The following ANO6 variants were observed in gnomAD, a reference collection of about 807,000 sequenced individuals.
ANO6 encodes the protein anoctamin 6.
In ANO6, 106 loss-of-function variants were observed where a neutral mutation model predicts 117.5. The observed-to-expected ratio is 0.90, with a 90% confidence interval of 0.77 to 1.06. ANO6 has a LOEUF of 1.06. Among genes scored for constraint, ANO6 ranks in the 50% least tolerant of loss-of-function variants. The probability of loss-of-function intolerance (pLI) is 0.00; values close to 1 mark genes in which losing one functional copy is unlikely to be tolerated. For synonymous variants in ANO6, 367 were observed against 385.1 expected (o/e 0.95, Z 0.55); for missense variants, 955 against 1,121.1 (o/e 0.85, Z 2.12).
intron 6 of ANO6, 75 bp downstream of exon 6, chr12:45,348,706 TC>T (rs1296408073): frequency 9.1e-7 from 1 of 1,095,370 alleles, no homozygotes; most frequent in Non-Finnish European, 1.4e-6. Flanking sequence ...GGGCTAACTT[TC>T]CTGACTGTAA....
Position 45,345,903 on chromosome 12 carries a change from G to C in ANO6, c.280-1119G>C, listed in dbSNP as rs141175861. Reference sequence around the variant, plus strand: ...GGCTGGGAAGTCTGAGATCAAGGGGGCTGGCATCTGGTGAGGACTTTGTTG... The same window carrying C: ...GGCTGGGAAGTCTGAGATCAAGGGGCCTGGCATCTGGTGAGGACTTTGTTG... On this transcript the variant is annotated intron_variant, in intron 3 of 19. Coordinates refer to ENST00000320560, the MANE Select transcript of ANO6 (RefSeq NM_001025356.3). 1.9e-3 allele frequency among the ~76,000 whole-genome samples: 283 copies of C among 151,766 alleles called. 1 individual carries two copies. Among genetic ancestry groups the C allele is most frequent in the African/African-American group, 6.0e-3 (249 of 41,376 alleles).
At chr12:45,286,621 C>T (rs1284981194) in intron 1 of ANO6, among the ~76,000 whole-genome samples, 1 of 152,194 alleles carries the variant, frequency 6.6e-6, no homozygotes, top group Admixed American at 6.5e-5. Context: ...AACTTTATTT[C>T]TCAACAGCTA....
chr12:45,282,016 A>C (rs1051875955), intron 1 of ANO6, among the ~76,000 whole-genome samples: 7 of 152,178 alleles, frequency 4.6e-5, no homozygotes, highest in African/African-American at 1.7e-4. Context: ...ACTCTTCAGC[A>C]CCATAGGAGA....
At chr12:45,321,370 G>T (rs1940264301) in intron 2 of ANO6, among the ~76,000 whole-genome samples, 1 of 152,168 alleles carries the variant, frequency 6.6e-6, no homozygotes, top group African/African-American at 2.4e-5. Context: ...ACCCAAGCAT[G>T]ATTTTTGCCA....
At chr12:45,253,635 A>G (rs1013428200) in intron 1 of ANO6, among the ~76,000 whole-genome samples, 1 of 152,206 alleles carries the variant, frequency 6.6e-6, no homozygotes, top group African/African-American at 2.4e-5. Context: ...CCGATGTTAC[A>G]TGAATGTGCA....
chr12:45,240,717 C>T (rs1280687066), intron 1 of ANO6, among the ~76,000 whole-genome samples: 1 of 152,068 alleles, frequency 6.6e-6, no homozygotes, highest in Non-Finnish European at 1.5e-5. Context: ...TTTAGTGCTT[C>T]CTTCAGGAGC....
At chr12:45,400,629 C>T (rs1942759468) in intron 12 of ANO6, among the ~76,000 whole-genome samples, 1 of 152,200 alleles carries the variant, frequency 6.6e-6, no homozygotes, top group Non-Finnish European at 1.5e-5. Context: ...CTCAACAACT[C>T]CATAGGTTAG....
Position 45,431,909 on chromosome 12 carries a change from C to A in ANO6, c.*2598C>A, listed in dbSNP as rs1943641177. Reference sequence around the variant, plus strand: ...ATATTGAAACATTAGAGCAAATACTCAGGGGATTTTTCATTAAACATCCCT... The same window carrying A: ...ATATTGAAACATTAGAGCAAATACTAAGGGGATTTTTCATTAAACATCCCT... On this transcript the variant is annotated 3_prime_UTR_variant, in exon 20 of 20. Transcript: ENST00000320560. The A allele has an allele frequency of 1.0e-6, 1 of 985,312 alleles. No individual in the cohort carries two copies. 61.0% of individuals were successfully genotyped at this position (985,312 alleles called of 1,614,324 possible).
chr12:45,278,801 T>G (rs968605984), intron 1 of ANO6, among the ~76,000 whole-genome samples: 1 of 152,210 alleles, frequency 6.6e-6, no homozygotes, highest in African/African-American at 2.4e-5. Flanking sequence ...GAAAGATGGC[T>G]GGAAGTTCTG....
intron 2 of ANO6, among the ~76,000 whole-genome samples, chr12:45,315,050 T>C (rs1939977336): frequency 6.6e-6 from 1 of 151,988 alleles, no homozygotes. Flanking sequence ...AATGTTGGAC[T>C]AAAGAGTTTG....
At chr12:45,363,710 A>C (rs1941614947) in intron 8 of ANO6, among the ~76,000 whole-genome samples, 1 of 152,172 alleles carries the variant, frequency 6.6e-6, no homozygotes. Flanking sequence ...GTGGGAGATA[A>C]TTGAATCATG....
chr12:45,424,629 G>A (rs534839532), intron 19 of ANO6, among the ~76,000 whole-genome samples: 3 of 152,038 alleles, frequency 2.0e-5, no homozygotes, highest in East Asian at 1.9e-4. Flanking sequence ...GAGCCACTGC[G>A]CCCGGCCTAG....
chr12:45,426,030 G>C (rs943360042), intron 19 of ANO6, among the ~76,000 whole-genome samples: 2 of 152,188 alleles, frequency 1.3e-5, no homozygotes, highest in Non-Finnish European at 2.9e-5. Context: ...CAGCATTGAA[G>C]GAAATGACGT....
intron 1 of ANO6, among the ~76,000 whole-genome samples, chr12:45,284,877 A>T (rs898247779): frequency 2.0e-5 from 3 of 152,232 alleles, no homozygotes; most frequent in Admixed American, 6.5e-5. Flanking sequence ...AATTTAAGAC[A>T]TTTAATCCTG....
intron 19 of ANO6, among the ~76,000 whole-genome samples, chr12:45,437,366 A>G (rs919535832): frequency 3.9e-5 from 6 of 152,234 alleles, no homozygotes; most frequent in African/African-American, 1.4e-4. Context: ...ATAAAAAACA[A>G]TGCCACTCTT....
rs1419421692 is a variant in ANO6 at position 45,257,161 on chromosome 12, ACT to A, written c.70+40771_70+40772del. On this transcript the variant is annotated intron_variant, in intron 1 of 19. Coordinates refer to ENST00000320560, the MANE Select transcript of ANO6 (RefSeq NM_001025356.3). Reference sequence around the variant, plus strand: ...CTGCTTCGTCTGTTCAACTTGAAACACTGTTTTAATTCAAGCTCTAACCTTGG... The same window carrying A: ...CTGCTTCGTCTGTTCAACTTGAAACAGTTTTAATTCAAGCTCTAACCTTGG... 3.3e-5 allele frequency among the ~76,000 whole-genome samples: 5 copies of A among 152,232 alleles called. No homozygotes were observed. The South Asian group carries it at 1.0e-3, about 32-fold the overall frequency.
chr12:45,363,651 A>G (rs1941613306), intron 8 of ANO6, among the ~76,000 whole-genome samples: 1 of 152,092 alleles, frequency 6.6e-6, no homozygotes, highest in East Asian at 1.9e-4. Flanking sequence ...CCCAAATCTC[A>G]TCTCAAATTG....
intron 2 of ANO6, among the ~76,000 whole-genome samples, chr12:45,308,394 C>G (rs915714881): frequency 1.3e-5 from 2 of 151,872 alleles, no homozygotes; most frequent in African/African-American, 2.4e-5. Context: ...GAAGCTTTTT[C>G]TTGATTGGTT....
intron 1 of ANO6, chr12:45,270,339 T>A (rs1938353172): frequency 7.8e-7 from 1 of 1,277,126 alleles, no homozygotes. Context: ...TCAAATGGCT[T>A]GTACGAGGTC....
Sources: gnomAD v4.1 joint callset for allele counts (sites outside exome capture counted in the v4.1 genomes callset) on GRCh38, gnomAD v4.1.1 for gene constraint, MANE v1.5 for transcripts, NCBI Gene and HGNC (gene_info 2026-07-23, HGNC 2026-07-21) for gene names.